ROBO1: variants seen among roughly 807,000 people sequenced by gnomAD.
ROBO1 encodes roundabout homolog 1.
ROBO1 carries 149 observed loss-of-function variants against 195.9 expected under a neutral mutation model. That is an observed-to-expected ratio of 0.76 (90% CI 0.67 to 0.87). ROBO1 has a LOEUF of 0.87. Among genes scored for constraint, ROBO1 ranks in the 40% least tolerant of loss-of-function variants. The pLI, the probability that ROBO1 is intolerant of heterozygous loss-of-function variation, is 0.00. For missense variants in ROBO1, 1,933 were observed against 2,068.3 expected (o/e 0.93, Z 1.27); for synonymous variants, 816 against 733.2 (o/e 1.11, Z -1.82).
chr3:79,526,651 G>T (rs555034555), intron 2 of ROBO1: 1 of 152,270 alleles, frequency 6.6e-6, no homozygotes, highest in African/African-American at 2.4e-5. Flanking sequence ...TTGAATCCAA[G>T]AATTTGTGAA....
At chr3:79,243,785 A>G (rs1224262065) in intron 2 of ROBO1, among the ~76,000 whole-genome samples, 8 of 152,120 alleles carry the variant, frequency 5.3e-5, no homozygotes, top group South Asian at 2.1e-4. Context: ...TAGGTTGCCT[A>G]TTCACTCTGA....
intron 2 of ROBO1, among the ~76,000 whole-genome samples, chr3:79,490,970 C>T (rs578036415): frequency 7.4e-4 from 113 of 152,154 alleles, no homozygotes; most frequent in Non-Finnish European, 1.4e-3. Context: ...CCCTGGATCC[C>T]AAGTACATAG....
At chr3:79,097,658 T>A (rs928742061) in intron 3 of ROBO1, among the ~76,000 whole-genome samples, 8 of 151,838 alleles carry the variant, frequency 5.3e-5, no homozygotes, top group African/African-American at 1.9e-4. Context: ...AGTGAATGAA[T>A]GTTTTCAGTG....
intron 4 of ROBO1, among the ~76,000 whole-genome samples, chr3:78,829,813 TAAATA>T (rs1262494975): frequency 6.6e-5 from 10 of 152,156 alleles, no homozygotes; most frequent in Admixed American, 5.9e-4. Flanking sequence ...TTTCTATGGG[TAAATA>T]AGGACCAGGC....
chr3:78,630,162 A>T (rs1705096881), intron 25 of ROBO1, among the ~76,000 whole-genome samples: 1 of 152,212 alleles, frequency 6.6e-6, no homozygotes, highest in South Asian at 2.1e-4. Context: ...CTTTAAAAAC[A>T]CATACATAAA....
At chr3:79,716,865 G>T (rs191878656) in intron 1 of ROBO1, among the ~76,000 whole-genome samples, 1 of 151,786 alleles carries the variant, frequency 6.6e-6, no homozygotes, top group African/African-American at 2.4e-5. Context: ...TGTTGATAAG[G>T]GTGAAAAAAT....
At chr3:79,000,203 G>A (rs1325998110) in intron 3 of ROBO1, among the ~76,000 whole-genome samples, 2 of 152,124 alleles carry the variant, frequency 1.3e-5, no homozygotes. Context: ...CATGGCAGCA[G>A]CAAGGAGAAG....
At chr3:79,290,425 T>A (rs1166341579) in intron 2 of ROBO1, among the ~76,000 whole-genome samples, 1 of 152,042 alleles carries the variant, frequency 6.6e-6, no homozygotes, top group African/African-American at 2.4e-5. Context: ...TATACTTAAG[T>A]CCCTCTCTTT....
At chr3:79,410,617 AAAGGAAGGAAGG>A (rs141093481) in intron 2 of ROBO1, among the ~76,000 whole-genome samples, 9 of 149,560 alleles carry the variant, frequency 6.0e-5, no homozygotes, top group African/African-American at 2.0e-4. Flanking sequence ...GAAAGAAAAG[AAAGGAAGGAAGG>A]AAGGAAGGAA....
intron 2 of ROBO1, among the ~76,000 whole-genome samples, chr3:79,491,582 G>T (rs1939456911): frequency 6.6e-6 from 1 of 152,186 alleles, no homozygotes; most frequent in Non-Finnish European, 1.5e-5. Flanking sequence ...GAGCAAAGTT[G>T]AGAGATGCCA....
At chr3:79,451,016 A>T (rs2039424649) in intron 2 of ROBO1, among the ~76,000 whole-genome samples, 1 of 151,840 alleles carries the variant, frequency 6.6e-6, no homozygotes, top group African/African-American at 2.4e-5. Flanking sequence ...TAAAGTTGTG[A>T]ATTCTAAGTT....
At chr3:78,635,238 C>T (rs1315985984) in intron 23 of ROBO1, among the ~76,000 whole-genome samples, 4 of 152,038 alleles carry the variant, frequency 2.6e-5, no homozygotes, top group Non-Finnish European at 5.9e-5. Context: ...ATCAGGTCAA[C>T]CAAGGAAATT....
intron 4 of ROBO1, among the ~76,000 whole-genome samples, chr3:78,893,133 G>A (rs568665287): frequency 2.4e-4 from 37 of 152,242 alleles, no homozygotes; most frequent in Admixed American, 3.9e-4. Context: ...TCATAGATTC[G>A]TTGCTAGGCT....
At chr3:79,077,591 A>G (rs2108452410) in intron 3 of ROBO1, among the ~76,000 whole-genome samples, 2 of 151,982 alleles carry the variant, frequency 1.3e-5, no homozygotes, top group South Asian at 2.1e-4. Flanking sequence ...TGAAATTCTT[A>G]TATGCATTAT....
chr3:79,196,341 T>G (rs1471423553), intron 2 of ROBO1, among the ~76,000 whole-genome samples: 1 of 147,944 alleles, frequency 6.8e-6, no homozygotes, highest in African/African-American at 2.5e-5. Flanking sequence ...AGACTATTCC[T>G]AGAAAATTAA....
chr3:79,512,186 C>T (rs896446240), intron 2 of ROBO1, among the ~76,000 whole-genome samples: 1 of 127,566 alleles, frequency 7.8e-6, no homozygotes, highest in African/African-American at 2.6e-5. Context: ...CTGTTTATAT[C>T]ACATAGAATT....
At chr3:79,597,958 G>A (rs1483601968) in intron 1 of ROBO1, among the ~76,000 whole-genome samples, 5 of 152,064 alleles carry the variant, frequency 3.3e-5, no homozygotes, top group Admixed American at 2.6e-4. Flanking sequence ...ATGAATCACG[G>A]CCGTTTTGTT....
At chr3:79,491,931 T>C (rs1164284238) in intron 2 of ROBO1, among the ~76,000 whole-genome samples, 1 of 152,086 alleles carries the variant, frequency 6.6e-6, no homozygotes, top group African/African-American at 2.4e-5. Context: ...TTATAAGGCA[T>C]TTGACAATGC....
chr3:79,174,434 C>T (rs376738171), intron 2 of ROBO1, among the ~76,000 whole-genome samples: 4 of 152,058 alleles, frequency 2.6e-5, no homozygotes, highest in South Asian at 2.1e-4. Context: ...GAACAAACTC[C>T]GGACATGCGG....
Sources: allele counts gnomAD v4.1 joint callset (sites outside exome capture counted in the v4.1 genomes callset), GRCh38; gene constraint gnomAD v4.1.1; transcripts MANE v1.5; gene names NCBI Gene and HGNC (gene_info 2026-07-23, HGNC 2026-07-21).